Variants in TNIK observed in about 807,000 individuals in gnomAD.
The protein encoded by TNIK is TRAF2 and NCK interacting kinase, also known as TRAF2 and NCK-interacting protein kinase.
In TNIK, 49 loss-of-function variants were observed where a neutral mutation model predicts 191.3. That is an observed-to-expected ratio of 0.26 (90% confidence interval 0.20 to 0.32). The LOEUF is 0.32. Ranked by LOEUF, TNIK falls within the 10% of genes least tolerant of loss-of-function variation. The probability of loss-of-function intolerance (pLI) is 1.00; values close to 1 mark genes in which losing one functional copy is unlikely to be tolerated. For synonymous variants in TNIK, 594 were observed against 600.9 expected, an observed-to-expected ratio of 0.99 and a Z score of 0.17; for missense variants, 1,155 against 1,702.3, an observed-to-expected ratio of 0.68 and a Z score of 5.66.
At chr3:171,291,590 T>C (rs1307268640) in intron 2 of TNIK, among the ~76,000 whole-genome samples, 1 of 152,230 alleles carries the variant, frequency 6.6e-6, no homozygotes, top group Non-Finnish European at 1.5e-5. Flanking sequence ...CCTTCATAGC[T>C]CCAGATGCGT....
At chr3:171,277,155 T>C (rs1160781018) in intron 2 of TNIK, among the ~76,000 whole-genome samples, 3 of 152,140 alleles carry the variant, frequency 2.0e-5, no homozygotes, top group African/African-American at 7.2e-5. Flanking sequence ...TCCCACGTGG[T>C]GCCTTCAGCC....
At chr3:171,443,402 A>C (rs767893420) in intron 1 of TNIK, among the ~76,000 whole-genome samples, 13 of 152,196 alleles carry the variant, frequency 8.5e-5, no homozygotes, top group Admixed American at 6.5e-4. Flanking sequence ...AGCCATTTCA[A>C]ATTTGTAGCT....
chr3:171,395,581 T>C (rs895792464), intron 1 of TNIK, among the ~76,000 whole-genome samples: 14 of 152,148 alleles, frequency 9.2e-5, no homozygotes, highest in African/African-American at 3.4e-4. Context: ...CAAATGACAA[T>C]AAGATAAAAC....
chr3:171,358,621 A>AT (rs1416394313), intron 2 of TNIK, among the ~76,000 whole-genome samples: 4 of 152,194 alleles, frequency 2.6e-5, no homozygotes, highest in Non-Finnish European at 5.9e-5. Flanking sequence ...ATGCTTGCGT[A>AT]TTTTTTGTGG....
At chr3:171,136,582 A>C (rs1730005880) in intron 15 of TNIK, among the ~76,000 whole-genome samples, 1 of 152,202 alleles carries the variant, frequency 6.6e-6, no homozygotes, top group African/African-American at 2.4e-5. Flanking sequence ...ATGCTCAAGC[A>C]GGAGTCTTGG....
intron 2 of TNIK, among the ~76,000 whole-genome samples, chr3:171,310,957 C>G (rs976991539): frequency 2.0e-5 from 3 of 152,142 alleles, no homozygotes; most frequent in African/African-American, 7.2e-5. Context: ...TAATTCAGAT[C>G]ATGTTCTGTT....
Position 171,061,251 on chromosome 3 carries a change from G to A in TNIK, c.*2630C>T, listed in dbSNP as rs1204436339. 3 of 152,130 alleles carry A rather than the reference G, an allele frequency of 2.0e-5. No individual in the cohort carries two copies. The highest frequency in any genetic ancestry group is 7.2e-5 in the African/African-American group (3 of 41,438). The allele number at this position is 152,130 out of a possible 1,614,324, so 9.4% of individuals were successfully genotyped here. ...ATTCTTTAAATATCTGTCTTTTAAAGAGCACAGATTTCTGGGGGGCCCATT... is the reference window on the plus strand; with the variant it reads ...ATTCTTTAAATATCTGTCTTTTAAAAAGCACAGATTTCTGGGGGGCCCATT... On this transcript the variant is annotated 3_prime_UTR_variant, in exon 33 of 33. Transcript: ENST00000436636.
intron 10 of TNIK, among the ~76,000 whole-genome samples, chr3:171,165,960 T>C (rs1734571721): frequency 1.3e-5 from 2 of 152,210 alleles, no homozygotes; most frequent in African/African-American, 4.8e-5. Flanking sequence ...AGTTTTTACC[T>C]TGGTCATGGC....
chr3:171,406,514 T>C (rs886383563), intron 1 of TNIK, among the ~76,000 whole-genome samples: 6 of 152,102 alleles, frequency 3.9e-5, no homozygotes, highest in Admixed American at 3.9e-4. Flanking sequence ...ACTGTAACCG[T>C]GAGCTCCCAG....
At chr3:171,332,552 A>G (rs779610027) in intron 2 of TNIK, among the ~76,000 whole-genome samples, 14 of 152,214 alleles carry the variant, frequency 9.2e-5, no homozygotes, top group Non-Finnish European at 1.9e-4. Context: ...CTTCCTGGGA[A>G]GAACCTCAGG....
At chr3:171,365,795 C>T (rs549378892) in intron 2 of TNIK, among the ~76,000 whole-genome samples, 4 of 152,238 alleles carry the variant, frequency 2.6e-5, no homozygotes, top group Non-Finnish European at 4.4e-5. Flanking sequence ...GCCACCACGA[C>T]GGCCTCCCTA....
intron 1 of TNIK, among the ~76,000 whole-genome samples, chr3:171,443,478 C>T (rs568186336): frequency 8.5e-5 from 13 of 152,094 alleles, no homozygotes; most frequent in East Asian, 3.8e-4. Flanking sequence ...TAGTTCCAGA[C>T]GGAAGTTTTC....
intron 2 of TNIK, among the ~76,000 whole-genome samples, chr3:171,319,312 A>T (rs2108326738): frequency 6.6e-6 from 1 of 152,300 alleles, no homozygotes; most frequent in East Asian, 1.9e-4. Flanking sequence ...TTTATAGAAA[A>T]TGTTTATATT....
intron 17 of TNIK, among the ~76,000 whole-genome samples, chr3:171,125,584 C>A (rs546352160): frequency 6.6e-6 from 1 of 152,272 alleles, no homozygotes; most frequent in African/African-American, 2.4e-5. Context: ...TAGATTCAGT[C>A]ATCAATGAAA....
chr3:171,085,426 G>T (rs60572974), intron 24 of TNIK, among the ~76,000 whole-genome samples, 197 bp from the exon 25 acceptor site: 1 of 152,130 alleles, frequency 6.6e-6, no homozygotes, highest in Non-Finnish European at 1.5e-5. Flanking sequence ...TTGTGCATTC[G>T]TAGGACTTCA....
chr3:171,182,738 AAC>A (rs1404665064), intron 7 of TNIK, among the ~76,000 whole-genome samples: 1 of 152,200 alleles, frequency 6.6e-6, no homozygotes, highest in Non-Finnish European at 1.5e-5. Context: ...TGGGCTGCTC[AAC>A]ACAGTGAAGA....
At position 171,089,761 on chromosome 3, in the gene TNIK, G is replaced by A. The variant is rs143791932; in HGVS notation, c.2722-2255C>T. On this transcript the variant is annotated intron_variant, in intron 23 of 32. Coordinates refer to ENST00000436636, the MANE Select transcript of TNIK (RefSeq NM_015028.4). ...ATTAACAGAACCTCAATAATATCTC[G>A]TCTTTATCTCTCACCATTCCCGTGG... is the stretch of plus-strand genomic sequence containing the variant. 6.4e-4 allele frequency among the ~76,000 whole-genome samples: 97 copies of A among 152,260 alleles called. No homozygotes were observed. The East Asian group carries it at 0.018, about 28-fold the overall frequency.
chr3:171,197,211 T>C (rs1346387161), intron 4 of TNIK, among the ~76,000 whole-genome samples: 2 of 152,112 alleles, frequency 1.3e-5, no homozygotes, highest in Non-Finnish European at 2.9e-5. Context: ...AAAAAAATGA[T>C]GTTAAACCTT....
intron 8 of TNIK, among the ~76,000 whole-genome samples, chr3:171,176,988 G>T (rs1057339895): frequency 6.6e-6 from 1 of 152,194 alleles, no homozygotes; most frequent in Non-Finnish European, 1.5e-5. Context: ...TCATACATTG[G>T]AGTTTATAGT....
Sources: allele counts gnomAD v4.1 joint callset (sites outside exome capture counted in the v4.1 genomes callset), GRCh38; gene constraint gnomAD v4.1.1; transcripts MANE v1.5; gene names NCBI Gene and HGNC (gene_info 2026-07-23, HGNC 2026-07-21).